LSAMP: variants seen among roughly 807,000 people sequenced by gnomAD.
LSAMP encodes limbic system-associated membrane protein.
A neutral mutation model predicts 38.6 loss-of-function variants in LSAMP; 7 were observed. That is an observed-to-expected ratio of 0.18 (90% CI 0.10 to 0.34). The LOEUF (loss-of-function observed/expected upper bound fraction) is 0.34, where lower values mean the gene tolerates loss of function less well. LSAMP is among the 10% of genes least tolerant of loss of function. The pLI, the probability that LSAMP is intolerant of heterozygous loss-of-function variation, is 1.00. For missense variants in LSAMP, 313 were observed against 420.0 expected (o/e 0.75, Z 2.23); for synonymous variants, 154 against 166.8 (o/e 0.92, Z 0.59).
chr3:116,429,141 G>A (rs1576218508), intron 1 of LSAMP, among the ~76,000 whole-genome samples: 2 of 152,204 alleles, frequency 1.3e-5, no homozygotes, highest in Non-Finnish European at 2.9e-5. Context: ...TGTAAATACT[G>A]CTAAGGCAAT....
At chr3:116,285,542 T>A (rs1407946606) in intron 1 of LSAMP, among the ~76,000 whole-genome samples, 1 of 151,970 alleles carries the variant, frequency 6.6e-6, no homozygotes, top group Non-Finnish European at 1.5e-5. Context: ...AATGTGTATT[T>A]TTTTTTTTAA....
intron 3 of LSAMP, among the ~76,000 whole-genome samples, chr3:115,888,222 C>T (rs1396788716): frequency 1.3e-5 from 2 of 151,854 alleles, no homozygotes; most frequent in African/African-American, 4.8e-5. Flanking sequence ...CCATGAAATA[C>T]CACCACAAGA....
chr3:116,358,481 G>A (rs2048255718), intron 1 of LSAMP, among the ~76,000 whole-genome samples: 2 of 152,050 alleles, frequency 1.3e-5, no homozygotes, highest in South Asian at 2.1e-4. Flanking sequence ...AAAAAGGAAT[G>A]ACCTAGAAGC....
At chr3:116,313,928 T>C (rs2047595242) in intron 1 of LSAMP, among the ~76,000 whole-genome samples, 1 of 152,258 alleles carries the variant, frequency 6.6e-6, no homozygotes, top group African/African-American at 2.4e-5. Context: ...CACTCCAGCC[T>C]GGGCTACAGA....
rs184659314 is a variant in LSAMP, at chr3:116,101,389, T to G, written c.156-14833A>C. Among the ~76,000 whole-genome samples the G allele has an allele frequency of 9.7e-4, 148 of 152,362 alleles. 1 individual carries two copies. The highest frequency in any genetic ancestry group is 3.5e-3 in the African/African-American group (144 of 41,590). ...CATCTACGTTATACTATAATAGATA[T>G]GTGAAACTAAATTTTTTGTCACTCT... On this transcript the variant is annotated intron_variant, in intron 1 of 6. Coordinates refer to ENST00000490035, the MANE Select transcript of LSAMP (RefSeq NM_002338.5).
intron 1 of LSAMP, among the ~76,000 whole-genome samples, chr3:116,113,800 ATATTAT>A (rs1225442803): frequency 2.6e-5 from 4 of 152,056 alleles, no homozygotes; most frequent in African/African-American, 9.7e-5. Context: ...ATTATTACTG[ATATTAT>A]TATATTTACT....
intron 1 of LSAMP, among the ~76,000 whole-genome samples, chr3:116,103,529 C>T (rs1708395481): frequency 1.5e-5 from 2 of 131,696 alleles, no homozygotes; most frequent in Non-Finnish European, 1.6e-5. Context: ...TTCATGTGTT[C>T]TTTCTGTGTC....
intron 1 of LSAMP, among the ~76,000 whole-genome samples, chr3:116,351,778 C>T (rs76237024): frequency 0.03 from 4,520 of 152,030 alleles, 93 homozygotes; most frequent in South Asian, 0.082. Flanking sequence ...CTGGCTCACA[C>T]GTAATGTGAA....
intron 1 of LSAMP, among the ~76,000 whole-genome samples, chr3:116,107,280 A>G (rs1186415864): frequency 1.3e-5 from 2 of 152,220 alleles, no homozygotes; most frequent in Non-Finnish European, 2.9e-5. Flanking sequence ...GGGGAGCAGA[A>G]AAGTATATGC....
At chr3:116,395,596 A>T (rs1320024507) in intron 1 of LSAMP, among the ~76,000 whole-genome samples, 1 of 152,244 alleles carries the variant, frequency 6.6e-6, no homozygotes, top group Non-Finnish European at 1.5e-5. Context: ...GCAAGCAAGC[A>T]CAAATCCTGT....
At chr3:116,444,795 CACACACACACACACAA>C (rs1285891861) in intron 1 of LSAMP, 66 bp downstream of exon 1, 30 of 1,517,658 alleles carry the variant, frequency 2.0e-5, no homozygotes, top group Admixed American at 1.6e-4. Flanking sequence ...CAGACACACA[CACACACACACACACAA>C]ACACACACAC....
chr3:115,886,938 C>A (rs1936468747), intron 3 of LSAMP, among the ~76,000 whole-genome samples: 1 of 151,946 alleles, frequency 6.6e-6, no homozygotes, highest in East Asian at 1.9e-4. Flanking sequence ...ATAATGTTCT[C>A]TTGGATAAAC....
At chr3:115,953,403 G>A (rs113454144) in intron 3 of LSAMP, among the ~76,000 whole-genome samples, 1,070 of 52,958 alleles carry the variant, frequency 0.02, 9 homozygotes, top group African/African-American at 0.056. Context: ...TGTAGTGTGC[G>A]TACACACACA....
intron 5 of LSAMP, 35 bp downstream of exon 5, chr3:115,842,423 G>A: frequency 6.2e-7 from 1 of 1,609,294 alleles, no homozygotes; most frequent in Non-Finnish European, 8.5e-7. Flanking sequence ...GGCCCATGCA[G>A]TGGAGTCATG....
At chr3:115,820,130 TATTTTTACTTTTCTAGTGAAAATG>T (rs1577033751) in intron 6 of LSAMP, among the ~76,000 whole-genome samples, 1 of 152,294 alleles carries the variant, frequency 6.6e-6, no homozygotes, top group East Asian at 1.9e-4. Flanking sequence ...ACCTAAACAT[TATTTTTACTTTTCTAGTGAAAATG>T]CAATCTCATG....
chr3:116,244,494 C>T (rs562137044), intron 1 of LSAMP, among the ~76,000 whole-genome samples: 14 of 152,262 alleles, frequency 9.2e-5, no homozygotes, highest in African/African-American at 2.6e-4. Context: ...GATTGGAACC[C>T]GTTCCTGTGT....
rs764176923 is a variant in LSAMP, at chr3:115,842,006, A to C, written c.771-13T>G. ...GGCACTATTTATCCTAAGAGTTCAA[A>C]AACAGAAGAATAGAAAGGATCACTG... is the stretch of plus-strand genomic sequence containing the variant. On this transcript the variant is annotated splice_polypyrimidine_tract_variant and intron_variant, in intron 5 of 6. Coordinates refer to ENST00000490035, the MANE Select transcript of LSAMP (RefSeq NM_002338.5). 1 of 1,604,160 alleles carries C rather than the reference A, an allele frequency of 6.2e-7. No homozygotes were observed. Among genetic ancestry groups the C allele is most frequent in the East Asian group, 2.2e-5 (1 of 44,816 alleles).
chr3:115,915,970 A>G (rs1164730357), intron 3 of LSAMP, among the ~76,000 whole-genome samples: 1 of 152,126 alleles, frequency 6.6e-6, no homozygotes, highest in East Asian at 1.9e-4. Flanking sequence ...AGTGCTTAAC[A>G]TATAAGTTAC....
At chr3:115,819,098 C>T (rs9820881) in intron 6 of LSAMP, among the ~76,000 whole-genome samples, 59,757 of 150,544 alleles carry the variant, frequency 0.4, 13,113 homozygotes, top group African/African-American at 0.59. Flanking sequence ...TGCAGTGAGC[C>T]GAGATCAGGC....
Sources: gnomAD v4.1 joint callset for allele counts (sites outside exome capture counted in the v4.1 genomes callset) on GRCh38, gnomAD v4.1.1 for gene constraint, MANE v1.5 for transcripts, NCBI Gene and HGNC (gene_info 2026-07-23, HGNC 2026-07-21) for gene names.